The following DCDC2 variants were observed in gnomAD, a reference collection of about 807,000 sequenced individuals.
DCDC2 encodes the protein doublecortin domain-containing protein 2.
In DCDC2, 40 loss-of-function variants were observed where a neutral mutation model predicts 50.2. The observed-to-expected ratio is 0.80, with a 90% confidence interval of 0.62 to 1.04. The LOEUF (loss-of-function observed/expected upper bound fraction) is 1.04. Among genes scored for constraint, DCDC2 ranks in the 50% least tolerant of loss-of-function variants. The probability of loss-of-function intolerance (pLI) is 0.00; values close to 1 mark genes in which losing one functional copy is unlikely to be tolerated. For missense variants in DCDC2, 570 were observed against 581.9 expected (o/e 0.98, Z 0.21); for synonymous variants, 234 against 210.6 (o/e 1.11, Z -0.96).
rs747533733 is a variant in DCDC2, at chr6:24,290,949, C to T, written c.687G>A (p.Thr229=). ...PYSELLFDKS[T]MRRPFGQKAS... ...AGACTTACCCAAAAGGCCTTCTCAT[C>T]GTTGACTTGTCAAAAAGTAACTCAC... Residue 229 remains threonine (T), a synonymous_variant, in exon 5 of 10, where the codon ACG becomes ACA. Transcript: ENST00000378454. 5 of 1,613,696 alleles carry T rather than the reference C, an allele frequency of 3.1e-6. No homozygotes were observed. Among genetic ancestry groups the T allele is most frequent in the Non-Finnish European group, 4.2e-6 (5 of 1,179,916 alleles).
intron 2 of DCDC2, among the ~76,000 whole-genome samples, chr6:24,311,409 T>C (rs1759569116): frequency 6.6e-6 from 1 of 152,216 alleles, no homozygotes; most frequent in African/African-American, 2.4e-5. Context: ...AAACCTATTA[T>C]TGGTGCTTTG....
chr6:24,220,426 A>C (rs72828994), intron 7 of DCDC2, among the ~76,000 whole-genome samples: 1 of 152,336 alleles, frequency 6.6e-6, no homozygotes, highest in African/African-American at 2.4e-5. Context: ...CAAGAAGCGG[A>C]GAAGAAATGG....
At chr6:24,263,650 T>C (rs1008462388) in intron 7 of DCDC2, among the ~76,000 whole-genome samples, 4 of 152,082 alleles carry the variant, frequency 2.6e-5, no homozygotes, top group African/African-American at 7.2e-5. Context: ...AATAATTAGC[T>C]TGAAGACAAG....
the DCDC2 span, among the ~76,000 whole-genome samples, chr6:24,376,305 G>T: frequency 6.6e-6 from 1 of 152,224 alleles, no homozygotes. Context: ...ATGGAAGAGG[G>T]AGGGGGAGGT....
intron 2 of DCDC2, among the ~76,000 whole-genome samples, chr6:24,303,458 C>T (rs896961932): frequency 1.3e-5 from 2 of 152,104 alleles, no homozygotes; most frequent in African/African-American, 4.8e-5. Context: ...GGCTAAAACG[C>T]CCTCCTCATT....
In DCDC2 at chr6:24,292,751, G is replaced by T. The variant is rs143619184; in HGVS notation, c.558-1673C>A. Among the ~76,000 whole-genome samples the T allele has an allele frequency of 3.6e-3, 549 of 152,260 alleles. 1 individual carries two copies. Among genetic ancestry groups the T allele is most frequent in the Non-Finnish European group, 5.3e-3 (359 of 68,020 alleles). The stretch of plus-strand genomic sequence containing the variant: ...GAATACTGGCATTATTGACATTTTG[G>T]ACCAGATAATTCTTTGCTGGAAAGG... On this transcript the variant is annotated intron_variant, in intron 4 of 9. Transcript: ENST00000378454.
At chr6:24,369,875 A>C in the DCDC2 span, among the ~76,000 whole-genome samples, 1 of 150,954 alleles carries the variant, frequency 6.6e-6, no homozygotes, top group Non-Finnish European at 1.5e-5. Flanking sequence ...CTCTGTCTCT[A>C]CCAAAATTAC....
chr6:24,270,477 C>CACAT (rs1763214421), intron 7 of DCDC2, among the ~76,000 whole-genome samples: 1 of 152,146 alleles, frequency 6.6e-6, no homozygotes, highest in Admixed American at 6.5e-5. Flanking sequence ...TGCACACACA[C>CACAT]ACATATATAT....
the DCDC2 span, among the ~76,000 whole-genome samples, chr6:24,374,909 C>T: frequency 6.6e-6 from 1 of 152,144 alleles, no homozygotes; most frequent in African/African-American, 2.4e-5. Context: ...AGGCTGCCTG[C>T]GAGGAGCCCC....
intron 2 of DCDC2, among the ~76,000 whole-genome samples, chr6:24,313,951 A>T (rs1759616046): frequency 6.6e-6 from 1 of 152,160 alleles, no homozygotes; most frequent in Non-Finnish European, 1.5e-5. Context: ...GGTGCAGCTT[A>T]TTCAGGAGCA....
At chr6:24,178,151 A>G (rs1401787742) in intron 9 of DCDC2, among the ~76,000 whole-genome samples, 179 bp downstream of exon 9, 1 of 152,230 alleles carries the variant, frequency 6.6e-6, no homozygotes, top group Non-Finnish European at 1.5e-5. Flanking sequence ...CAATGGCAGT[A>G]TTGTTAAATG....
upstream of DCDC2, among the ~76,000 whole-genome samples, chr6:24,358,943 A>ATATTACATATTATATATTATATATT (rs1561788624): frequency 9.2e-5 from 5 of 54,276 alleles, no homozygotes; most frequent in South Asian, 5.7e-4. Flanking sequence ...TATTTTATAT[A>ATATTACATATTATATATTATATATT]TTATATATTA....
chr6:24,376,246 C>T, the DCDC2 span, among the ~76,000 whole-genome samples: 4 of 152,148 alleles, frequency 2.6e-5, no homozygotes, highest in Non-Finnish European at 4.4e-5. Flanking sequence ...AATTCTATGA[C>T]GCACTGAACA....
chr6:24,318,518 T>C (rs1375172158), intron 2 of DCDC2, among the ~76,000 whole-genome samples: 2 of 152,110 alleles, frequency 1.3e-5, no homozygotes. Context: ...ATGTACAATG[T>C]ATCCACTAAG....
At chr6:24,220,030 G>A (rs1014324472) in intron 7 of DCDC2, among the ~76,000 whole-genome samples, 9 of 152,314 alleles carry the variant, frequency 5.9e-5, no homozygotes, top group Admixed American at 2.6e-4. Flanking sequence ...CTCTTACACT[G>A]AAAATGACAA....
the DCDC2 span, among the ~76,000 whole-genome samples, chr6:24,370,793 A>G: frequency 6.6e-6 from 1 of 152,260 alleles, no homozygotes; most frequent in Admixed American, 6.5e-5. Flanking sequence ...TATGTTATAC[A>G]TGAATGTTCA....
chr6:24,281,195 C>A (rs940295112), intron 6 of DCDC2, among the ~76,000 whole-genome samples: 6 of 152,066 alleles, frequency 3.9e-5, no homozygotes, highest in Admixed American at 2.6e-4. Flanking sequence ...ATTCAAATCA[C>A]TACATAATGC....
At chr6:24,263,142 TC>T (rs1439603227) in intron 7 of DCDC2, among the ~76,000 whole-genome samples, 1 of 152,206 alleles carries the variant, frequency 6.6e-6, no homozygotes, top group Non-Finnish European at 1.5e-5. Context: ...CTTCCACGCA[TC>T]TGCCAAGAGT....
intron 8 of DCDC2, among the ~76,000 whole-genome samples, chr6:24,195,571 C>T (rs1440132437): frequency 6.6e-6 from 1 of 152,138 alleles, no homozygotes; most frequent in African/African-American, 2.4e-5. Flanking sequence ...CCAATCTCAG[C>T]TCTACTGACA....
Sources: allele counts gnomAD v4.1 joint callset (sites outside exome capture counted in the v4.1 genomes callset), GRCh38; gene constraint gnomAD v4.1.1; transcripts MANE v1.5; gene names NCBI Gene and HGNC (gene_info 2026-07-23, HGNC 2026-07-21).